Variants in PDE10A observed in about 807,000 individuals in gnomAD.
PDE10A encodes phosphodiesterase 10A, also known as cAMP and cAMP-inhibited cGMP 3',5'-cyclic phosphodiesterase 10A.
In PDE10A, 39 loss-of-function variants were observed where a neutral mutation model predicts 97.7. That is an observed-to-expected ratio of 0.40 (90% CI 0.31 to 0.52). The LOEUF is 0.52. Among genes scored for constraint, PDE10A ranks in the 20% least tolerant of loss-of-function variants. The pLI is 0.56. For synonymous variants in PDE10A, 371 were observed against 376.8 expected, an observed-to-expected ratio of 0.98 and a Z score of 0.18; for missense variants, 731 against 1,047.8, an observed-to-expected ratio of 0.70 and a Z score of 4.17.
intron 2 of PDE10A, among the ~76,000 whole-genome samples, chr6:165,504,444 C>T (rs1781076697): frequency 6.6e-6 from 1 of 152,050 alleles, no homozygotes; most frequent in South Asian, 2.1e-4. Context: ...CAGTATGATC[C>T]TGGCCCAATA....
intron 1 of PDE10A, chr6:165,754,519 A>G (rs894104125): frequency 1.3e-5 from 2 of 152,148 alleles, no homozygotes; most frequent in Admixed American, 1.3e-4. Context: ...ATAGATTTAC[A>G]TTTTACTATA....
intron 3 of PDE10A, among the ~76,000 whole-genome samples, chr6:165,465,392 T>C (rs1778580477): frequency 6.6e-6 from 1 of 152,204 alleles, no homozygotes; most frequent in African/African-American, 2.4e-5. Context: ...GAGTCTATCC[T>C]AGCACTATGG....
chr6:165,842,583 G>T (rs1780291783), intron 1 of PDE10A, among the ~76,000 whole-genome samples: 1 of 152,244 alleles, frequency 6.6e-6, no homozygotes, highest in Non-Finnish European at 1.5e-5. Flanking sequence ...TCCTCGAAGG[G>T]AGTATGGGAC....
rs542356631 is a variant in PDE10A at position 165,835,092 on chromosome 6, G to A, written c.-615+152437C>T. 8.5e-5 allele frequency among the ~76,000 whole-genome samples: 13 copies of A among 152,272 alleles called. No individual in the cohort carries two copies. The East Asian group carries it at 1.2e-3, about 14-fold the overall frequency. ...AGGCAGTGCACAGAGGGCAGTTGGC[G>A]AGGACACAGTGCAGAGAGAGGTGGG... On this transcript the variant is annotated intron_variant, in intron 1 of 19. Transcript: ENST00000366882.
chr6:165,623,970 C>T, intron 1 of PDE10A, among the ~76,000 whole-genome samples: 1 of 152,218 alleles, frequency 6.6e-6, no homozygotes, highest in Non-Finnish European at 1.5e-5. Context: ...TTCCTGCTCC[C>T]TCCACAAATC....
intron 1 of PDE10A, among the ~76,000 whole-genome samples, chr6:165,683,435 C>T (rs529749046): frequency 3.0e-4 from 46 of 152,098 alleles, no homozygotes; most frequent in Non-Finnish European, 5.4e-4. Flanking sequence ...CACACACACG[C>T]GCTCACACAC....
chr6:165,950,679 G>T (rs1245152822), intron 1 of PDE10A, among the ~76,000 whole-genome samples: 1 of 152,158 alleles, frequency 6.6e-6, no homozygotes, highest in Non-Finnish European at 1.5e-5. Flanking sequence ...TGCCAGCCCA[G>T]GAGTGGGTAC....
rs1562810081 is a variant in PDE10A, at chr6:165,943,310, G to GAAAGAAAGAAAA, written c.-615+44218_-615+44219insTTTTCTTTCTTT. Among the ~76,000 whole-genome samples the GAAAGAAAGAAAA allele has an allele frequency of 9.0e-5, 5 of 55,678 alleles. 2 individuals carry two copies. Among genetic ancestry groups the GAAAGAAAGAAAA allele is most frequent in the African/African-American group, 6.0e-4 (5 of 8,390 alleles). 36.5% of individuals were successfully genotyped at this position (55,678 alleles called of 152,430 possible). On this transcript the variant is annotated intron_variant, in intron 1 of 19. Transcript: ENST00000366882. ...AAGAAAGAAGGAAAGAAAGAAAGAAGGAAGGAAGGAAAGAAAGAAAAAGAA... is the reference window on the plus strand; with the variant it reads ...AAGAAAGAAGGAAAGAAAGAAAGAAGAAAGAAAGAAAAGAAGGAAGGAAAGAAAGAAAAAGAA...
intron 5 of PDE10A, among the ~76,000 whole-genome samples, chr6:165,447,946 C>T (rs1184053111): frequency 6.6e-6 from 1 of 152,110 alleles, no homozygotes. Flanking sequence ...TTAATTAAAT[C>T]AGCCAATAAA....
At chr6:165,645,637 T>G (rs146758017) in intron 1 of PDE10A, among the ~76,000 whole-genome samples, 1,595 of 152,110 alleles carry the variant, frequency 0.01, 31 homozygotes, top group African/African-American at 0.036. Context: ...GCAGATTACC[T>G]GAGGTGAGGA....
At chr6:165,617,518 G>A (rs571088748) in intron 1 of PDE10A, among the ~76,000 whole-genome samples, 2 of 152,168 alleles carry the variant, frequency 1.3e-5, no homozygotes, top group African/African-American at 2.4e-5. Flanking sequence ...CATCTGATCG[G>A]CCATTAATAT....
chr6:165,947,404 A>T (rs1783807218), intron 1 of PDE10A, among the ~76,000 whole-genome samples: 1 of 152,120 alleles, frequency 6.6e-6, no homozygotes, highest in African/African-American at 2.4e-5. Context: ...CCCTTAGATC[A>T]ATGTCTAGAT....
chr6:165,618,014 T>C (rs1787806969), intron 1 of PDE10A, among the ~76,000 whole-genome samples: 1 of 152,092 alleles, frequency 6.6e-6, no homozygotes, highest in Non-Finnish European at 1.5e-5. Flanking sequence ...CTGGGCAACA[T>C]AGCAAGACTC....
At chr6:165,529,241 C>G (rs1481695090) in intron 2 of PDE10A, among the ~76,000 whole-genome samples, 3 of 152,184 alleles carry the variant, frequency 2.0e-5, no homozygotes, top group Non-Finnish European at 4.4e-5. Flanking sequence ...TGAAATCAGT[C>G]TATTACTCCA....
At chr6:165,551,655 C>T (rs1334876180) in intron 1 of PDE10A, among the ~76,000 whole-genome samples, 1 of 152,170 alleles carries the variant, frequency 6.6e-6, no homozygotes, top group African/African-American at 2.4e-5. Flanking sequence ...TAAGGCCAGA[C>T]TGCCTTGTGT....
chr6:165,519,482 A>T (rs923400954), intron 2 of PDE10A, among the ~76,000 whole-genome samples: 1 of 151,852 alleles, frequency 6.6e-6, no homozygotes, highest in Non-Finnish European at 1.5e-5. Context: ...AAAAAACCAC[A>T]TCAGAAGAAA....
At chr6:165,813,068 G>GT (rs1779321824) in intron 1 of PDE10A, among the ~76,000 whole-genome samples, 1 of 152,208 alleles carries the variant, frequency 6.6e-6, no homozygotes, top group South Asian at 2.1e-4. Context: ...GCGGTAGGCA[G>GT]TGCACTTGAG....
chr6:165,584,274 C>G (rs1411923070), intron 1 of PDE10A, among the ~76,000 whole-genome samples: 1 of 152,174 alleles, frequency 6.6e-6, no homozygotes, highest in East Asian at 1.9e-4. Flanking sequence ...TTCCCTGACC[C>G]CTGGGCCAGT....
intron 1 of PDE10A, among the ~76,000 whole-genome samples, chr6:165,779,472 A>G (rs1015430928): frequency 6.6e-6 from 1 of 152,218 alleles, no homozygotes; most frequent in African/African-American, 2.4e-5. Flanking sequence ...CTCTGCATCA[A>G]GTCCTACGTG....
Sources: gnomAD v4.1 joint callset for allele counts (sites outside exome capture counted in the v4.1 genomes callset) on GRCh38, gnomAD v4.1.1 for gene constraint, MANE v1.5 for transcripts, NCBI Gene and HGNC (gene_info 2026-07-23, HGNC 2026-07-21) for gene names.